Variants in IRF2 observed in about 807,000 individuals in gnomAD.
IRF2 encodes the protein interferon regulatory factor 2.
A neutral mutation model predicts 40.6 loss-of-function variants in IRF2; 15 were observed. The ratio of observed to expected loss-of-function variants is 0.37; its 90% CI spans 0.25 to 0.57. The LOEUF (loss-of-function observed/expected upper bound fraction) is 0.57, where lower values mean the gene tolerates loss of function less well. Ranked by LOEUF, IRF2 falls within the 20% of genes least tolerant of loss-of-function variation. IRF2 has a pLI of 0.77. For synonymous variants in IRF2, 151 were observed against 165.5 expected, an observed-to-expected ratio of 0.91 and a Z score of 0.67; for missense variants, 317 against 455.7, an observed-to-expected ratio of 0.70 and a Z score of 2.77.
chr4:184,423,939 G>T (rs1464913636), intron 2 of IRF2, among the ~76,000 whole-genome samples: 1 of 152,168 alleles, frequency 6.6e-6, no homozygotes, highest in Non-Finnish European at 1.5e-5. Context: ...GAGCAGTGAT[G>T]ATATTAAACA....
chr4:184,400,720 C>G (rs1219156223), intron 6 of IRF2, among the ~76,000 whole-genome samples: 1 of 152,180 alleles, frequency 6.6e-6, no homozygotes, highest in South Asian at 2.1e-4. Context: ...GCCTCGGCAG[C>G]ATTTCGTGTC....
In IRF2 at chr4:184,429,950, T is replaced by C. The variant is rs1013427557; in HGVS notation, c.-6-880A>G. Among the ~76,000 whole-genome samples the C allele has an allele frequency of 2.0e-5, 3 of 152,248 alleles. No homozygotes were observed. The South Asian group carries it at 6.2e-4, about 32-fold the overall frequency. On this transcript the variant is annotated intron_variant, in intron 1 of 8. Coordinates refer to ENST00000393593, the MANE Select transcript of IRF2 (RefSeq NM_002199.4). Reference sequence around the variant, plus strand: ...CTGTCCCCCACTCATCTTCACCCTATCTATGCCTGCATTCACATCTAATCT... The same window carrying C: ...CTGTCCCCCACTCATCTTCACCCTACCTATGCCTGCATTCACATCTAATCT...
chr4:184,434,557 G>A (rs867252110), intron 1 of IRF2, among the ~76,000 whole-genome samples: 13 of 152,190 alleles, frequency 8.5e-5, no homozygotes, highest in Admixed American at 2.0e-4. Flanking sequence ...GGAGCCTGAC[G>A]AAAGGCACGT....
At chr4:184,393,405 C>T (rs532475195) in intron 7 of IRF2, among the ~76,000 whole-genome samples, 1 of 152,340 alleles carries the variant, frequency 6.6e-6, no homozygotes, top group South Asian at 2.1e-4. Context: ...TCACTGTCTT[C>T]TTTTCCTTTC....
intron 7 of IRF2, among the ~76,000 whole-genome samples, chr4:184,394,966 C>T (rs892538781): frequency 2.2e-4 from 33 of 152,198 alleles, no homozygotes; most frequent in Non-Finnish European, 4.3e-4. Flanking sequence ...TCTTTCTCAT[C>T]ATAATATTTA....
intron 8 of IRF2, among the ~76,000 whole-genome samples, chr4:184,389,609 A>T (rs182818625): frequency 0.017 from 2,642 of 151,582 alleles, 34 homozygotes; most frequent in Middle Eastern, 0.034. Flanking sequence ...CTTTTTTTTT[A>T]AAAAATCAAT....
intron 2 of IRF2, among the ~76,000 whole-genome samples, chr4:184,427,094 C>A (rs575527641): frequency 2.6e-5 from 4 of 152,352 alleles, no homozygotes; most frequent in Non-Finnish European, 5.9e-5. Flanking sequence ...TCTGGTCCCC[C>A]CTTCCTTATA....
chr4:184,461,775 TG>T (rs368638776), intron 1 of IRF2, among the ~76,000 whole-genome samples: 24 of 140,090 alleles, frequency 1.7e-4, no homozygotes, highest in African/African-American at 6.4e-4. Context: ...TAAAAGCACC[TG>T]TAAGTTAAGT....
rs1233046027 is a variant in IRF2, at chr4:184,429,071, C to T, written c.-6-1G>A. 5 of 1,613,324 alleles carry T rather than the reference C, an allele frequency of 3.1e-6. No homozygotes were observed. In the South Asian group the frequency reaches 5.5e-5, roughly 18 times the overall value. Reference sequence around the variant, plus strand: ...GCATCCTTTCCACCGGCATGGTGCCCTTGAGGGAGAGAAACACAGCGTCAG... The same window carrying T: ...GCATCCTTTCCACCGGCATGGTGCCTTTGAGGGAGAGAAACACAGCGTCAG... On this transcript the variant is annotated splice_acceptor_variant, in intron 1 of 8. Transcript: ENST00000393593. LOFTEE classifies it low-confidence loss of function (5UTR_SPLICE).
chr4:184,407,341 G>C, intron 6 of IRF2: 1 of 938,136 alleles, frequency 1.1e-6, no homozygotes, highest in Non-Finnish European at 1.4e-6. Flanking sequence ...TAAAGGGAAA[G>C]CAGGCTGAGG....
rs1261934566 is a variant in IRF2 at position 184,408,111 on chromosome 4, A to AG, written c.529+46dup. On this transcript the variant is annotated intron_variant, in intron 6 of 8. Transcript: ENST00000393593. This position sits in a 1 kb window ranked among gnomAD's most constrained non-coding sequence, Gnocchi z 4.9. ...CTCTGTTTTACAAATTTTAGGCCCC[A>AG]GGGGGCTGCTGGTATGTATAAAAAA... The AG allele has an allele frequency of 3.5e-6, 4 of 1,137,740 alleles. No homozygotes were observed. The highest frequency in any genetic ancestry group is 5.3e-6 in the Non-Finnish European group (4 of 753,590). 70.5% of individuals were successfully genotyped at this position (1,137,740 alleles called of 1,614,324 possible). A position where few individuals can be genotyped will look rare whatever the true frequency, so the allele number is the denominator to read the frequency against.
chr4:184,406,383 C>T (rs569725498), intron 6 of IRF2, among the ~76,000 whole-genome samples: 9 of 152,154 alleles, frequency 5.9e-5, no homozygotes, highest in Non-Finnish European at 1.2e-4. Flanking sequence ...GCACCTGCCA[C>T]CACGCCCAGC....
intron 1 of IRF2, among the ~76,000 whole-genome samples, chr4:184,433,088 T>G (rs1248580140): frequency 6.6e-6 from 1 of 152,172 alleles, no homozygotes; most frequent in Non-Finnish European, 1.5e-5. Flanking sequence ...CCTAGGATTT[T>G]GGTCATGACC....
At chr4:184,425,453 G>A (rs1333700701) in intron 2 of IRF2, among the ~76,000 whole-genome samples, 5 of 152,252 alleles carry the variant, frequency 3.3e-5, no homozygotes, top group African/African-American at 9.6e-5. Flanking sequence ...GCCCACTCTG[G>A]CTAGGCCTCA....
At chr4:184,391,183 C>G (rs1297132865) in intron 7 of IRF2, among the ~76,000 whole-genome samples, 1 of 152,224 alleles carries the variant, frequency 6.6e-6, no homozygotes, top group East Asian at 1.9e-4. Flanking sequence ...TACCTCTCAC[C>G]CCTTTAGGAC....
intron 2 of IRF2, among the ~76,000 whole-genome samples, chr4:184,427,840 C>T (rs562952305): frequency 6.6e-6 from 1 of 152,014 alleles, no homozygotes. Flanking sequence ...GTACCTGATA[C>T]AAAGATAAAG....
chr4:184,409,393 T>C (rs1736987745), intron 5 of IRF2, among the ~76,000 whole-genome samples: 1 of 151,992 alleles, frequency 6.6e-6, no homozygotes. Flanking sequence ...CCTGGCAAAC[T>C]CCCACCTTAA....
At chr4:184,390,199 C>T (rs1382683668) in intron 8 of IRF2, among the ~76,000 whole-genome samples, 4 of 152,176 alleles carry the variant, frequency 2.6e-5, no homozygotes, top group African/African-American at 4.8e-5. Flanking sequence ...CCATTGTGCA[C>T]GCCCCATCTA....
intron 2 of IRF2, chr4:184,428,634 C>T (rs1737755289): frequency 2.3e-6 from 1 of 440,994 alleles, no homozygotes; most frequent in Non-Finnish European, 4.5e-6. Flanking sequence ...CCCAGCTCTA[C>T]AAAAAAATAC....
Sources: allele counts gnomAD v4.1 joint callset (sites outside exome capture counted in the v4.1 genomes callset), GRCh38; gene constraint gnomAD v4.1.1; non-coding constraint Gnocchi (gnomAD v3.1); transcripts MANE v1.5; gene names NCBI Gene and HGNC (gene_info 2026-07-23, HGNC 2026-07-21).